The following NRXN1 variants were observed in gnomAD, a reference collection of about 807,000 sequenced individuals.
The protein encoded by NRXN1 is neurexin-1.
NRXN1 carries 39 observed loss-of-function variants against 150.9 expected under a neutral mutation model. That is an observed-to-expected ratio of 0.26 (90% CI 0.20 to 0.34). NRXN1 has a LOEUF of 0.34. Ranked by LOEUF, NRXN1 falls within the 10% of genes least tolerant of loss-of-function variation. The probability of loss-of-function intolerance (pLI) is 1.00; values close to 1 mark genes in which losing one functional copy is unlikely to be tolerated. For missense variants in NRXN1, 1,815 were observed against 1,949.9 expected (o/e 0.93, Z 1.30); for synonymous variants, 924 against 757.0 (o/e 1.22, Z -3.62).
chr2:50,577,606 AG>A (rs1397291146), intron 8 of NRXN1, among the ~76,000 whole-genome samples: 3 of 152,136 alleles, frequency 2.0e-5, no homozygotes, highest in Non-Finnish European at 4.4e-5. Context: ...CCAATAAAGG[AG>A]AATATACTCC....
intron 17 of NRXN1, among the ~76,000 whole-genome samples, chr2:50,339,132 T>C (rs1173048417): frequency 6.6e-6 from 1 of 152,202 alleles, no homozygotes; most frequent in Non-Finnish European, 1.5e-5. Flanking sequence ...CATGGCATCA[T>C]GGCAGAAGTG....
rs75413867 is a variant in NRXN1 at position 50,701,715 on chromosome 2, C to G, written c.833-78100G>C. Among the ~76,000 whole-genome samples the G allele has an allele frequency of 9.1e-3, 1,381 of 152,240 alleles. 50 individuals carry two copies. Among genetic ancestry groups the G allele is most frequent in the Admixed American group, 0.062 (953 of 15,292 alleles). On this transcript the variant is annotated intron_variant, in intron 5 of 22. Transcript: ENST00000401669. ...TGGTAACTCCCATTCCTCTTCAATG[C>G]TTGGATACCTCCAGTAAGTTGTAAG...
At chr2:50,230,406 A>T (rs1361045519) in intron 18 of NRXN1, among the ~76,000 whole-genome samples, 1 of 152,104 alleles carries the variant, frequency 6.6e-6, no homozygotes. Context: ...AATTTTAGGT[A>T]CAGAATTTGC....
At chr2:49,978,204 C>A (rs1041221276) in intron 21 of NRXN1, among the ~76,000 whole-genome samples, 1 of 152,088 alleles carries the variant, frequency 6.6e-6, no homozygotes, top group African/African-American at 2.4e-5. Context: ...CACAGGAGGA[C>A]TAGCTGAGGA....
chr2:50,191,878 CA>C (rs1200211900), intron 18 of NRXN1, among the ~76,000 whole-genome samples: 5 of 152,076 alleles, frequency 3.3e-5, no homozygotes, highest in African/African-American at 1.2e-4. Flanking sequence ...ACTCTGGAAA[CA>C]AATTTTTGTT....
intron 17 of NRXN1, among the ~76,000 whole-genome samples, chr2:50,277,391 T>TCCTTCCTTCCTCCCTC (rs2070662115): frequency 5.8e-4 from 45 of 78,174 alleles, no homozygotes; most frequent in South Asian, 2.3e-3. Flanking sequence ...CGTCCTTCCT[T>TCCTTCCTTCCTCCCTC]CCTTCCTTCC....
intron 17 of NRXN1, among the ~76,000 whole-genome samples, chr2:50,274,478 C>G (rs1449002286): frequency 1.3e-5 from 2 of 152,008 alleles, no homozygotes; most frequent in Non-Finnish European, 2.9e-5. Context: ...TGGGTTGATG[C>G]GTGCAGCAAA....
chr2:50,168,968 G>C (rs2059851361), intron 18 of NRXN1, among the ~76,000 whole-genome samples: 1 of 152,148 alleles, frequency 6.6e-6, no homozygotes, highest in Admixed American at 6.5e-5. Flanking sequence ...TGAAAATATT[G>C]TTTGCCAGAA....
At chr2:50,327,361 A>G (rs1369682705) in intron 17 of NRXN1, among the ~76,000 whole-genome samples, 1 of 152,212 alleles carries the variant, frequency 6.6e-6, no homozygotes, top group East Asian at 1.9e-4. Flanking sequence ...AGTTATCAGA[A>G]TAGCAGCTGG....
At chr2:50,729,667 C>T (rs1373975691) in intron 5 of NRXN1, among the ~76,000 whole-genome samples, 2 of 152,178 alleles carry the variant, frequency 1.3e-5, no homozygotes, top group African/African-American at 2.4e-5. Flanking sequence ...TTTTATCCAT[C>T]AGCACTCTTC....
intron 5 of NRXN1, among the ~76,000 whole-genome samples, chr2:50,765,590 G>A (rs1702292179): frequency 6.6e-6 from 1 of 152,132 alleles, no homozygotes; most frequent in East Asian, 2.0e-4. Context: ...TGAAGAGAGT[G>A]CACTATAGGA....
intron 21 of NRXN1, among the ~76,000 whole-genome samples, chr2:49,980,021 G>A (rs1679721807): frequency 6.6e-6 from 1 of 151,710 alleles, no homozygotes; most frequent in Admixed American, 6.6e-5. Flanking sequence ...GTGGCCCCAG[G>A]CAATCTTTTC....
intron 17 of NRXN1, among the ~76,000 whole-genome samples, chr2:50,279,881 A>G (rs1439840304): frequency 6.6e-6 from 1 of 152,244 alleles, no homozygotes; most frequent in Non-Finnish European, 1.5e-5. Flanking sequence ...ATAATTTCAA[A>G]TGGCAGTAAC....
chr2:50,304,270 AT>A (rs1229220341), intron 17 of NRXN1, among the ~76,000 whole-genome samples: 6 of 152,178 alleles, frequency 3.9e-5, no homozygotes, highest in Non-Finnish European at 5.9e-5. Flanking sequence ...GTAAATTTTT[AT>A]TAGAATACAA....
At chr2:50,634,822 T>C (rs1035323935) in intron 5 of NRXN1, among the ~76,000 whole-genome samples, 50 of 152,232 alleles carry the variant, frequency 3.3e-4, no homozygotes, top group African/African-American at 1.2e-3. Flanking sequence ...GTTATTCATA[T>C]AGTCCTCTTT....
chr2:50,457,364 T>C (rs972650494), intron 17 of NRXN1, among the ~76,000 whole-genome samples: 11 of 152,170 alleles, frequency 7.2e-5, no homozygotes, highest in Non-Finnish European at 1.5e-4. Flanking sequence ...TGCATTATTA[T>C]TGAATCTATC....
chr2:50,979,388 T>C, intron 2 of NRXN1: 1 of 428,272 alleles, frequency 2.3e-6, no homozygotes, highest in Non-Finnish European at 4.6e-6. Flanking sequence ...TTGCCAGTTT[T>C]CAGGTATTTC....
chr2:50,880,643 G>C (rs1219554941), intron 5 of NRXN1, among the ~76,000 whole-genome samples: 1 of 151,922 alleles, frequency 6.6e-6, no homozygotes, highest in Non-Finnish European at 1.5e-5. Context: ...CCAACAATTT[G>C]CACGAGGTTA....
chr2:50,720,338 A>G (rs1175571700), intron 5 of NRXN1, among the ~76,000 whole-genome samples: 2 of 152,118 alleles, frequency 1.3e-5, no homozygotes, highest in Non-Finnish European at 2.9e-5. Context: ...CCTCCCTCCA[A>G]TGTAAGCTAC....
Sources: allele counts gnomAD v4.1 joint callset (sites outside exome capture counted in the v4.1 genomes callset), GRCh38; gene constraint gnomAD v4.1.1; transcripts MANE v1.5; gene names NCBI Gene and HGNC (gene_info 2026-07-23, HGNC 2026-07-21).